SRD5A2: variants seen among roughly 807,000 people sequenced by gnomAD.
SRD5A2 encodes the protein steroid 5 alpha-reductase 2.
In SRD5A2, 30 loss-of-function variants were observed where a neutral mutation model predicts 27.4. That is an observed-to-expected ratio of 1.10 (90% CI 0.82 to 1.49). The LOEUF (loss-of-function observed/expected upper bound fraction) is 1.49. Among genes scored for constraint, SRD5A2 ranks in the 40% most tolerant of loss-of-function variants. The pLI is 0.00. For missense variants in SRD5A2, 348 were observed against 323.4 expected, an observed-to-expected ratio of 1.08 and a Z score of -0.58; for synonymous variants, 141 against 133.6, an observed-to-expected ratio of 1.06 and a Z score of -0.38.
the SRD5A2 span, among the ~76,000 whole-genome samples, chr2:31,601,396 A>C: frequency 6.6e-6 from 1 of 152,050 alleles, no homozygotes; most frequent in Non-Finnish European, 1.5e-5. Context: ...ATAGACCAAA[A>C]ATGAGTTCTG....
chr2:31,599,762 T>C, the SRD5A2 span, among the ~76,000 whole-genome samples: 6 of 151,760 alleles, frequency 4.0e-5, no homozygotes, highest in African/African-American at 1.2e-4. Flanking sequence ...AACCCAAAAT[T>C]AGTATGAGAA....
Position 31,533,780 on chromosome 2 carries a change from G to T in SRD5A2, c.282-14C>A. On this transcript the variant is annotated splice_polypyrimidine_tract_variant and intron_variant, in intron 1 of 4. Transcript: ENST00000622030. ...TACACAAATGTCCTGGGACACACAG[G>T]GAGGAAAGGTTAGGATTCACTGTTA... 6.3e-7 allele frequency: 1 copy of T among 1,597,694 alleles called. No homozygotes were observed. The highest frequency in any genetic ancestry group is 8.5e-7 in the Non-Finnish European group (1 of 1,172,216).
the SRD5A2 span, among the ~76,000 whole-genome samples, chr2:31,644,442 C>T: frequency 6.6e-6 from 1 of 152,152 alleles, no homozygotes; most frequent in Non-Finnish European, 1.5e-5. Context: ...TCATGGAAGA[C>T]AATTTTTTGG....
chr2:31,557,248 C>T lies in SRD5A2; in HGVS notation c.281+23372G>A, dbSNP rs146840649. ...CACCCTGAAGACAAATTAATCACAA[C>T]CTTGGGCACATGACTTTGAGCAGAA... is the stretch of plus-strand genomic sequence containing the variant. On this transcript the variant is annotated intron_variant, in intron 1 of 4. Transcript: ENST00000622030. Among the ~76,000 whole-genome samples the T allele has an allele frequency of 6.0e-4, 92 of 152,342 alleles. 1 individual carries two copies. Among genetic ancestry groups the T allele is most frequent in the African/African-American group, 2.0e-3 (83 of 41,580 alleles).
chr2:31,635,486 C>T, the SRD5A2 span, among the ~76,000 whole-genome samples: 2 of 151,992 alleles, frequency 1.3e-5, no homozygotes. Flanking sequence ...TATTTTCTCT[C>T]ATTTTGTGGA....
chr2:31,602,789 C>CA, the SRD5A2 span, among the ~76,000 whole-genome samples: 5,927 of 150,624 alleles, frequency 0.039, 131 homozygotes, highest in African/African-American at 0.081. Context: ...ACAAAACTGA[C>CA]AAAAAAAAGA....
the SRD5A2 span, among the ~76,000 whole-genome samples, chr2:31,620,411 G>A: frequency 1.5e-4 from 23 of 152,170 alleles, no homozygotes; most frequent in Non-Finnish European, 2.8e-4. Flanking sequence ...GTTTGCAGAT[G>A]ACATTATTCT....
At chr2:31,553,342 T>G (rs1228082606) in intron 1 of SRD5A2, among the ~76,000 whole-genome samples, 1 of 151,710 alleles carries the variant, frequency 6.6e-6, no homozygotes, top group Non-Finnish European at 1.5e-5. Context: ...AGAGAGACAA[T>G]AGGAAAAAAA....
chr2:31,596,938 C>A, the SRD5A2 span, among the ~76,000 whole-genome samples: 1 of 151,954 alleles, frequency 6.6e-6, no homozygotes, highest in African/African-American at 2.4e-5. Flanking sequence ...TCTACAAATT[C>A]AATGAAATTC....
the SRD5A2 span, among the ~76,000 whole-genome samples, chr2:31,604,878 G>T: frequency 6.6e-6 from 1 of 151,686 alleles, no homozygotes; most frequent in South Asian, 2.1e-4. Flanking sequence ...CAAAACTGAG[G>T]AATCACATTA....
the SRD5A2 span, among the ~76,000 whole-genome samples, chr2:31,654,053 G>A: frequency 7.3e-5 from 11 of 150,132 alleles, no homozygotes; most frequent in African/African-American, 2.7e-4. Context: ...GTATAAACTA[G>A]TGTGAGAAAG....
the SRD5A2 span, among the ~76,000 whole-genome samples, chr2:31,611,114 AT>A: frequency 3.9e-5 from 6 of 152,286 alleles, 2 homozygotes; most frequent in Admixed American, 3.3e-4. Context: ...ATCTAAAAAA[AT>A]AATAATAATT....
chr2:31,587,811 C>T, the SRD5A2 span, among the ~76,000 whole-genome samples: 1 of 152,158 alleles, frequency 6.6e-6, no homozygotes, highest in East Asian at 1.9e-4. Context: ...GGGCTTAAAA[C>T]CTAGATGACG....
chr2:31,593,418 C>G, the SRD5A2 span, among the ~76,000 whole-genome samples: 7 of 152,008 alleles, frequency 4.6e-5, no homozygotes, highest in African/African-American at 1.7e-4. Context: ...ACAATAGACT[C>G]AAACAAGTGG....
At chr2:31,577,969 T>C (rs2148104514) in intron 1 of SRD5A2, among the ~76,000 whole-genome samples, 1 of 152,264 alleles carries the variant, frequency 6.6e-6, no homozygotes, top group South Asian at 2.1e-4. Context: ...AATGAATATA[T>C]AGGTAAATTA....
chr2:31,608,422 GGGGGCA>G, the SRD5A2 span, among the ~76,000 whole-genome samples: 1,230 of 151,800 alleles, frequency 8.1e-3, 16 homozygotes, highest in Non-Finnish European at 0.012. Context: ...AATACAAAAC[GGGGGCA>G]GGAAAGGAAA....
chr2:31,599,420 G>A, the SRD5A2 span, among the ~76,000 whole-genome samples: 1 of 151,850 alleles, frequency 6.6e-6, no homozygotes, highest in South Asian at 2.1e-4. Context: ...CACAAAACAA[G>A]CTTTAAAACC....
chr2:31,537,170 C>A (rs373856135), intron 1 of SRD5A2, among the ~76,000 whole-genome samples: 74 of 152,288 alleles, frequency 4.9e-4, no homozygotes, highest in African/African-American at 1.5e-3. Context: ...AAATTTTAGA[C>A]TCATTGTCAA....
At chr2:31,654,690 C>T in the SRD5A2 span, among the ~76,000 whole-genome samples, 1 of 152,108 alleles carries the variant, frequency 6.6e-6, no homozygotes, top group Non-Finnish European at 1.5e-5. Flanking sequence ...GCCTTAAAAG[C>T]CTTTATACTG....
Sources: gnomAD v4.1 joint callset for allele counts (sites outside exome capture counted in the v4.1 genomes callset) on GRCh38, gnomAD v4.1.1 for gene constraint, MANE v1.5 for transcripts, NCBI Gene and HGNC (gene_info 2026-07-23, HGNC 2026-07-21) for gene names.